Variants in SEC61A2 observed in about 807,000 individuals in gnomAD.
The protein encoded by SEC61A2 is SEC61 translocon subunit alpha 2, also known as protein transport protein Sec61 subunit alpha isoform 2.
SEC61A2 carries 28 observed loss-of-function variants against 59.9 expected under a neutral mutation model. The ratio of observed to expected loss-of-function variants is 0.47; its 90% CI spans 0.35 to 0.64. The LOEUF is 0.64. Ranked by LOEUF, SEC61A2 falls within the 30% of genes least tolerant of loss-of-function variation. SEC61A2 has a pLI of 0.01. For synonymous variants in SEC61A2, 202 were observed against 214.4 expected (o/e 0.94, Z 0.50); for missense variants, 340 against 585.9 (o/e 0.58, Z 4.33).
rs79207055 is a variant in SEC61A2 at position 12,143,459 on chromosome 10, G to T, written c.220+264G>T. 0.033 allele frequency among the ~76,000 whole-genome samples: 5,092 copies of T among 152,220 alleles called. 143 individuals are homozygous for T. Among genetic ancestry groups the T allele is most frequent in the Non-Finnish European group, 0.048 (3,270 of 67,996 alleles). Reference sequence around the variant, plus strand: ...ACATTGGAATTGGAGTCCAGGTGGGGCGCCGTGGCTCACCCCTGTAATCCC... The same window carrying T: ...ACATTGGAATTGGAGTCCAGGTGGGTCGCCGTGGCTCACCCCTGTAATCCC... On this transcript the variant is annotated intron_variant, in intron 4 of 11. Coordinates refer to ENST00000298428, the MANE Select transcript of SEC61A2 (RefSeq NM_018144.4). This position sits in a 1 kb window ranked among gnomAD's most constrained non-coding sequence, Gnocchi z 4.8.
Position 12,129,735 on chromosome 10 carries a change from G to C in SEC61A2, c.-53G>C, listed in dbSNP as rs993190062. 1 of 1,482,224 alleles carries C rather than the reference G, an allele frequency of 6.7e-7. No homozygotes were observed. Among genetic ancestry groups the C allele is most frequent in the Non-Finnish European group, 8.9e-7 (1 of 1,120,068 alleles). The allele number at this position is 1,482,224 out of a possible 1,614,324, so 91.8% of individuals were successfully genotyped here. A position where few individuals can be genotyped will look rare whatever the true frequency, so the allele number is the denominator to read the frequency against. ...CCGAGGCCCGAGCCGCGGGAGTCGA[G>C]CGAAGGCAGCGCCGAGGCCGCGGTT... On this transcript the variant is annotated 5_prime_UTR_variant, in exon 1 of 12. Coordinates refer to ENST00000298428, the MANE Select transcript of SEC61A2 (RefSeq NM_018144.4). The surrounding 1 kb of genome is among the most constrained non-coding windows in gnomAD (Gnocchi z 5.6).
At position 12,142,506 on chromosome 10, in the gene SEC61A2, GA is replaced by G. The variant is rs1239141535; in HGVS notation, c.142-610del. 3.7e-5 allele frequency: 36 copies of G among 982,976 alleles called. No individual in the cohort carries two copies. Among genetic ancestry groups the G allele is most frequent in the Non-Finnish European group, 4.3e-5 (36 of 827,822 alleles). 60.9% of individuals were successfully genotyped at this position (982,976 alleles called of 1,614,324 possible). ...ATCATCTTCAGTCTTACATTGAGAAGAGTGACCTTGGCTGTCTTTAGTATAT... is the reference window on the plus strand; with the variant it reads ...ATCATCTTCAGTCTTACATTGAGAAGGTGACCTTGGCTGTCTTTAGTATAT... On this transcript the variant is annotated intron_variant, in intron 3 of 11. Transcript: ENST00000298428. The surrounding 1 kb of genome is among the most constrained non-coding windows in gnomAD (Gnocchi z 5.4).
In SEC61A2 at chr10:12,158,911, G is replaced by C. The variant is rs2131679000; in HGVS notation, c.975+806G>C. Among the ~76,000 whole-genome samples, 1 of 152,168 alleles carries C rather than the reference G, an allele frequency of 6.6e-6. No individual in the cohort carries two copies. The highest frequency in any genetic ancestry group is 1.5e-5 in the Non-Finnish European group (1 of 68,024). On this transcript the variant is annotated intron_variant, in intron 9 of 11. Transcript: ENST00000298428. The surrounding 1 kb of genome is among the most constrained non-coding windows in gnomAD (Gnocchi z 5.7). ...TAGGCATGCTATTAACTAGACGGTA[G>C]AGACAGCGGTGCTGCTAGTAATATA...
chr10:12,157,296 A>G (rs141286284), intron 8 of SEC61A2, among the ~76,000 whole-genome samples: 23 of 152,242 alleles, frequency 1.5e-4, no homozygotes, highest in Admixed American at 2.0e-4. Context: ...GACTCTCGAC[A>G]GTTTAAAAGG....
intron 6 of SEC61A2, among the ~76,000 whole-genome samples, chr10:12,150,753 A>G (rs1412681123): frequency 6.6e-6 from 1 of 152,004 alleles, no homozygotes; most frequent in African/African-American, 2.4e-5. Context: ...AAAGGTCAAC[A>G]TAATTATTAG....
rs538278234 is a variant in SEC61A2 at position 12,149,151 on chromosome 10, G to A, written c.221-444G>A. ...GTTGCCCGGGCTGGAGTGCAGTGGC[G>A]CAATCTCGGCTTACTGCAACCTCTG... is the stretch of plus-strand genomic sequence containing the variant. On this transcript the variant is annotated intron_variant, in intron 4 of 11. Transcript: ENST00000298428. The surrounding 1 kb of genome is among the most constrained non-coding windows in gnomAD (Gnocchi z 5.2). Among the ~76,000 whole-genome samples the A allele has an allele frequency of 2.6e-5, 4 of 152,096 alleles. No homozygotes were observed. In the East Asian group the frequency reaches 5.8e-4, roughly 22 times the overall value.
At position 12,143,277 on chromosome 10, in the gene SEC61A2, T is replaced by G; in HGVS notation, c.220+82T>G. Reference sequence around the variant, plus strand: ...GTGGATTAGCAATGAGTTTTCAATGTCTACAGGGAGGGGGAGGATATCATT... The same window carrying G: ...GTGGATTAGCAATGAGTTTTCAATGGCTACAGGGAGGGGGAGGATATCATT... On this transcript the variant is annotated intron_variant, in intron 4 of 11. Coordinates refer to ENST00000298428, the MANE Select transcript of SEC61A2 (RefSeq NM_018144.4). This position sits in a 1 kb window ranked among gnomAD's most constrained non-coding sequence, Gnocchi z 4.8. 1.0e-6 allele frequency: 1 copy of G among 993,062 alleles called. No individual in the cohort carries two copies. Among genetic ancestry groups the G allele is most frequent in the South Asian group, 1.3e-5 (1 of 78,452 alleles). 61.5% of individuals were successfully genotyped at this position (993,062 alleles called of 1,614,324 possible).
Position 12,149,168 on chromosome 10 carries a change from C to T in SEC61A2, c.221-427C>T, listed in dbSNP as rs925474147. Among the ~76,000 whole-genome samples the T allele has an allele frequency of 2.0e-5, 3 of 152,020 alleles. No homozygotes were observed. The highest frequency in any genetic ancestry group is 7.2e-5 in the African/African-American group (3 of 41,400). On this transcript the variant is annotated intron_variant, in intron 4 of 11. Transcript: ENST00000298428. This position sits in a 1 kb window ranked among gnomAD's most constrained non-coding sequence, Gnocchi z 5.2. ...GCAGTGGCGCAATCTCGGCTTACTG[C>T]AACCTCTGCCTTCCAGGTTTAAGCG...
In SEC61A2 at chr10:12,161,264, C is replaced by G; in HGVS notation, c.1167+143C>G. On this transcript the variant is annotated intron_variant, in intron 10 of 11. Transcript: ENST00000298428. This position sits in a 1 kb window ranked among gnomAD's most constrained non-coding sequence, Gnocchi z 5.4. ...GACCAGCCTGGGCAACATAGCGAGACCCCGTCATGACTAAAAAAATACAAA... is the reference window on the plus strand; with the variant it reads ...GACCAGCCTGGGCAACATAGCGAGAGCCCGTCATGACTAAAAAAATACAAA... The G allele has an allele frequency of 1.6e-6, 1 of 607,130 alleles. No individual in the cohort carries two copies. Among genetic ancestry groups the G allele is most frequent in the Non-Finnish European group, 2.8e-6 (1 of 361,446 alleles). The allele number at this position is 607,130 out of a possible 1,614,324, so 37.6% of individuals were successfully genotyped here.
In SEC61A2 at chr10:12,157,998, C is replaced by T. The variant is rs905259128; in HGVS notation, c.868C>T (p.Pro290Ser). 6.2e-7 allele frequency: 1 copy of T among 1,614,148 alleles called. No individual in the cohort carries two copies. The highest frequency in any genetic ancestry group is 1.7e-5 in the Admixed American group (1 of 60,022). Reference protein sequence around the residue: ...PIKLFYTSNIPIILQSALVSN... With the variant: ...PIKLFYTSNISIILQSALVSN... The stretch of plus-strand genomic sequence containing the variant: ...CAAACTCTTCTACACCTCCAACATC[C>T]CCATCATCCTCCAGTCGGCCCTGGT... The change falls in exon 9 of 12, where the codon CCC becomes TCC. Residue 290 changes from proline to serine, a missense_variant. Physicochemically the swap from Pro to Ser is moderately conservative, Grantham distance 74 (BLOSUM62 -1). Coordinates refer to ENST00000298428, the MANE Select transcript of SEC61A2 (RefSeq NM_018144.4).
rs1199525836 is a variant in SEC61A2, at chr10:12,131,682, C to CTTTTTTTTT, written c.8-1539_8-1531dup. ...ATGAAATCAAACAGAGATTACATAC[C>CTTTTTTTTT]TTTTTTTTTTTTTTTTTTTTTTTTT... is the stretch of plus-strand genomic sequence containing the variant. On this transcript the variant is annotated intron_variant, in intron 1 of 11. Transcript: ENST00000298428. Among the ~76,000 whole-genome samples the CTTTTTTTTT allele has an allele frequency of 4.9e-4, 23 of 46,554 alleles. 6 individuals carry two copies. The highest frequency in any genetic ancestry group is 8.9e-4 in the Non-Finnish European group (22 of 24,586). 30.5% of individuals were successfully genotyped at this position (46,554 alleles called of 152,430 possible). A position where few individuals can be genotyped will look rare whatever the true frequency, so the allele number is the denominator to read the frequency against.
chr10:12,167,805 A>G, downstream of SEC61A2: 1 of 1,614,024 alleles, frequency 6.2e-7, no homozygotes, highest in South Asian at 1.1e-5. Context: ...TTCTTCAGCT[A>G]CCAGAGCTGT....
At chr10:12,136,613 G>C (rs933819514) in intron 3 of SEC61A2, among the ~76,000 whole-genome samples, 6 of 152,142 alleles carry the variant, frequency 3.9e-5, no homozygotes, top group Non-Finnish European at 5.9e-5. Flanking sequence ...ACCATGCCCA[G>C]CTAATTTTTG....
chr10:12,168,593 C>T (rs1196613618), downstream of SEC61A2, among the ~76,000 whole-genome samples: 1 of 152,158 alleles, frequency 6.6e-6, no homozygotes, highest in East Asian at 1.9e-4. The surrounding 1 kb of genome is among the most constrained non-coding windows in gnomAD (Gnocchi z 4.8). Context: ...ATTTGTTTCA[C>T]TCAGATGGAG....
chr10:12,164,185 C>G lies in SEC61A2; in HGVS notation c.1245-83C>G, dbSNP rs1588648392. The G allele has an allele frequency of 6.6e-7, 1 of 1,508,858 alleles. No individual in the cohort carries two copies. 93.5% of individuals were successfully genotyped at this position (1,508,858 alleles called of 1,614,324 possible). A position where few individuals can be genotyped will look rare whatever the true frequency, so the allele number is the denominator to read the frequency against. On this transcript the variant is annotated intron_variant, in intron 11 of 11. Transcript: ENST00000298428. The surrounding 1 kb of genome is among the most constrained non-coding windows in gnomAD (Gnocchi z 7.3). ...GAGGCTTTAGACCCAGCTATGGCTG[C>G]TGCGCCTCGACCTGTCTTCGTCTCT...
At chr10:12,167,870 A>G, downstream of SEC61A2, 1 of 1,605,294 alleles carries the variant, frequency 6.2e-7, no homozygotes. Flanking sequence ...AAAACATCTT[A>G]TTCAATCAGT....
chr10:12,169,022 C>CA (rs1410437705), downstream of SEC61A2, among the ~76,000 whole-genome samples: 7 of 152,186 alleles, frequency 4.6e-5, no homozygotes, highest in Non-Finnish European at 7.3e-5. This position sits in a 1 kb window ranked among gnomAD's most constrained non-coding sequence, Gnocchi z 4.8. Flanking sequence ...CTCGGCCTCC[C>CA]AAAGTGCTGG....
downstream of SEC61A2, chr10:12,169,587 A>T (rs761448776): frequency 3.0e-5 from 11 of 372,164 alleles, no homozygotes; most frequent in South Asian, 4.7e-4. This position sits in a 1 kb window ranked among gnomAD's most constrained non-coding sequence, Gnocchi z 4.8. Flanking sequence ...TCTATTCAGT[A>T]TGATTGTTCT....
intron 2 of SEC61A2, among the ~76,000 whole-genome samples, chr10:12,134,759 T>TA (rs1424473661): frequency 6.6e-6 from 1 of 151,218 alleles, no homozygotes; most frequent in African/African-American, 2.4e-5. Flanking sequence ...CTACTAAAAA[T>TA]ACAAAAAAAT....
Sources: gnomAD v4.1 joint callset for allele counts (sites outside exome capture counted in the v4.1 genomes callset) on GRCh38, gnomAD v4.1.1 for gene constraint, Gnocchi (gnomAD v3.1) non-coding constraint, MANE v1.5 for transcripts, NCBI Gene and HGNC (gene_info 2026-07-23, HGNC 2026-07-21) for gene names.